The following MDM4 variants were observed in gnomAD, a reference collection of about 807,000 sequenced individuals.
The protein encoded by MDM4 is MDM4 regulator of p53, also known as protein Mdm4.
A neutral mutation model predicts 60.2 loss-of-function variants in MDM4; 2 were observed. The observed-to-expected ratio is 0.03, with a 90% CI of 0.01 to 0.10. The LOEUF (loss-of-function observed/expected upper bound fraction) is 0.10, where lower values mean the gene tolerates loss of function less well. MDM4 is among the 10% of genes least tolerant of loss of function. The probability of loss-of-function intolerance (pLI) is 1.00; values close to 1 mark genes in which losing one functional copy is unlikely to be tolerated. For missense variants in MDM4, 447 were observed against 577.5 expected (o/e 0.77, Z 2.32); for synonymous variants, 202 against 198.1 (o/e 1.02, Z -0.17).
At chr1:204,529,110 T>C in intron 3 of MDM4, 2 of 1,288,752 alleles carry the variant, frequency 1.6e-6, no homozygotes, top group Non-Finnish European at 2.2e-6. Flanking sequence ...GCCTGAGTTG[T>C]CCCAGTCATA....
intron 2 of MDM4, among the ~76,000 whole-genome samples, 188 bp from the exon 3 acceptor site, chr1:204,526,172 G>A (rs1489227489): frequency 6.6e-6 from 1 of 152,066 alleles, no homozygotes; most frequent in African/African-American, 2.4e-5. Context: ...GGGAGGATCA[G>A]TTGAGTCTGG....
At chr1:204,530,661 A>T (rs1660770793) in intron 3 of MDM4, 23 bp from the exon 4 acceptor site, 1 of 1,613,968 alleles carries the variant, frequency 6.2e-7, no homozygotes, top group African/African-American at 1.3e-5. Context: ...ACAGATCACA[A>T]CATGGTATTT....
intron 3 of MDM4, 26 bp from the exon 4 acceptor site, chr1:204,530,658 A>G (rs1660770535): frequency 6.2e-7 from 1 of 1,613,976 alleles, no homozygotes; most frequent in Non-Finnish European, 8.5e-7. Flanking sequence ...TGGACAGATC[A>G]CAACATGGTA....
Position 204,542,863 on chromosome 1 carries a change from C to A in MDM4, c.591C>A (p.Gly197=), listed in dbSNP as rs200044566. Residue 197 remains glycine (G), a synonymous_variant, in exon 8 of 11, where the codon GGC becomes GGA. Coordinates refer to ENST00000367182, the MANE Select transcript of MDM4 (RefSeq NM_002393.5). ...DLGFEEWDVA[G]LPWWFLGNLR... ...GATTTGAGGAGTGGGATGTAGCTGGCCTGCCTTGGTGGTTTTTAGGAAACT... is the reference window on the plus strand; with the variant it reads ...GATTTGAGGAGTGGGATGTAGCTGGACTGCCTTGGTGGTTTTTAGGAAACT... 1 of 1,613,876 alleles carries A rather than the reference C, an allele frequency of 6.2e-7. No individual in the cohort carries two copies. Among genetic ancestry groups the A allele is most frequent in the Non-Finnish European group, 8.5e-7 (1 of 1,179,808 alleles).
At chr1:204,541,898 T>C (rs1366150853) in intron 7 of MDM4, among the ~76,000 whole-genome samples, 1 of 152,114 alleles carries the variant, frequency 6.6e-6, no homozygotes. Context: ...GTTAACCCCA[T>C]GGTTGCTATG....
At chr1:204,548,890 T>TA (rs1365469391) in intron 10 of MDM4, among the ~76,000 whole-genome samples, 2 of 152,162 alleles carry the variant, frequency 1.3e-5, no homozygotes, top group African/African-American at 4.8e-5. Flanking sequence ...TTCTTAAAGA[T>TA]AACTATATCA....
chr1:204,554,497 T>A lies in MDM4; in HGVS notation c.*4815T>A. 1 of 225,514 alleles carries A rather than the reference T, an allele frequency of 4.4e-6. No individual in the cohort carries two copies. Among genetic ancestry groups the A allele is most frequent in the Non-Finnish European group, 8.8e-6 (1 of 113,156 alleles). The allele number at this position is 225,514 out of a possible 1,614,324, so 14.0% of individuals were successfully genotyped here. ...GTTTTTAGAATCAAAGATGAACCGG[T>A]AAGCTGTCTCATGTACCAAACGTGA... On this transcript the variant is annotated 3_prime_UTR_variant, in exon 11 of 11. Coordinates refer to ENST00000367182, the MANE Select transcript of MDM4 (RefSeq NM_002393.5).
rs1472800330 is a variant in MDM4 at position 204,550,256 on chromosome 1, CT to C, written c.*576del. On this transcript the variant is annotated 3_prime_UTR_variant, in exon 11 of 11. Coordinates refer to ENST00000367182, the MANE Select transcript of MDM4 (RefSeq NM_002393.5). ...TGGTATGATCATGGCTCACTGCAGC[CT>C]TGGTTTCCTGGGCATAAGTGGTCTT... 1.3e-5 allele frequency: 3 copies of C among 231,644 alleles called. No individual in the cohort carries two copies. Among genetic ancestry groups the C allele is most frequent in the Non-Finnish European group, 2.6e-5 (3 of 117,308 alleles). 14.3% of individuals were successfully genotyped at this position (231,644 alleles called of 1,614,324 possible). A position where few individuals can be genotyped will look rare whatever the true frequency, so the allele number is the denominator to read the frequency against.
Position 204,537,622 on chromosome 1 carries a change from A to T in MDM4, c.411+125A>T, listed in dbSNP as rs1357841149. On this transcript the variant is annotated intron_variant, in intron 6 of 10. Transcript: ENST00000367182. ...GAATTTAATAAGAAAGGTTCTTGGG[A>T]GTTCACAGACCAGGGACAGAGTGAA... 1.2e-4 allele frequency: 82 copies of T among 707,056 alleles called. 1 individual carries two copies. In the East Asian group the frequency reaches 2.1e-3, roughly 18 times the overall value. The allele number at this position is 707,056 out of a possible 1,614,324, so 43.8% of individuals were successfully genotyped here.
rs551362294 is a variant in MDM4 at position 204,549,802 on chromosome 1, A to G, written c.*120A>G. 4.7e-6 allele frequency: 3 copies of G among 642,966 alleles called. No individual in the cohort carries two copies. Among genetic ancestry groups the G allele is most frequent in the Non-Finnish European group, 7.6e-6 (3 of 396,892 alleles). The allele number at this position is 642,966 out of a possible 1,614,324, so 39.8% of individuals were successfully genotyped here. ...GAATGTTCTTAGGCATCAAAATCCA[A>G]GGTAGCTGTAAGAAAAATACTGGAG... On this transcript the variant is annotated 3_prime_UTR_variant, in exon 11 of 11. Coordinates refer to ENST00000367182, the MANE Select transcript of MDM4 (RefSeq NM_002393.5).
At chr1:204,537,546 C>G in intron 6 of MDM4, 49 bp downstream of exon 6, 1 of 1,325,032 alleles carries the variant, frequency 7.5e-7, no homozygotes, top group South Asian at 1.2e-5. Flanking sequence ...GTGGCCCCTT[C>G]TCTGTACCTA....
intron 5 of MDM4, chr1:204,532,649 T>C: frequency 1.1e-6 from 1 of 936,532 alleles, no homozygotes; most frequent in South Asian, 1.8e-5. Context: ...CTTGTATTTT[T>C]GTCTTACTTG....
rs60954516 is a variant in MDM4 at position 204,523,473 on chromosome 1, A to ATTTTTTT, written c.-35-1989_-35-1983dup. On this transcript the variant is annotated intron_variant, in intron 1 of 10. Transcript: ENST00000367182. The stretch of plus-strand genomic sequence containing the variant: ...CAGAGCGAGACTCCACCTAAAAAAA[A>ATTTTTTT]TTTTTTTTTTTTTTTTTTTTTTTTT... 2.7e-4 allele frequency among the ~76,000 whole-genome samples: 16 copies of ATTTTTTT among 58,964 alleles called. 1 individual carries two copies. The highest frequency in any genetic ancestry group is 2.6e-4 in the Admixed American group (1 of 3,832). 38.7% of individuals were successfully genotyped at this position (58,964 alleles called of 152,430 possible).
At chr1:204,532,456 G>T in intron 5 of MDM4, 2 of 566,180 alleles carry the variant, frequency 3.5e-6, no homozygotes, top group South Asian at 4.9e-5. Flanking sequence ...CTTTCTAGAC[G>T]TACTGTTAAC....
At chr1:204,516,683 G>A (rs4252669) in intron 1 of MDM4, among the ~76,000 whole-genome samples, 174 bp downstream of exon 1, 5 of 152,164 alleles carry the variant, frequency 3.3e-5, no homozygotes, top group African/African-American at 4.8e-5. Context: ...GAGGGGAAGA[G>A]TTGTGGGATG....
At chr1:204,544,808 T>G in intron 9 of MDM4, 124 bp downstream of exon 9, 2 of 905,558 alleles carry the variant, frequency 2.2e-6, no homozygotes, top group Non-Finnish European at 3.1e-6. Context: ...CTTTAATTAA[T>G]TTTTCAATCC....
chr1:204,546,288 G>C (rs4252730), intron 9 of MDM4, among the ~76,000 whole-genome samples: 23 of 152,180 alleles, frequency 1.5e-4, no homozygotes, highest in African/African-American at 5.5e-4. Context: ...CTGCAAGCCG[G>C]AACTCTTGGG....
At position 204,554,402 on chromosome 1, in the gene MDM4, A is replaced by C. The variant is rs865897180; in HGVS notation, c.*4720A>C. On this transcript the variant is annotated 3_prime_UTR_variant, in exon 11 of 11. Transcript: ENST00000367182. The stretch of plus-strand genomic sequence containing the variant: ...ATGGTTCTCCCAGTCATGAGTGTGC[A>C]TGTGTGCAAGCATGTTTTGATCCTG... 4.4e-6 allele frequency: 1 copy of C among 226,308 alleles called. No homozygotes were observed. The highest frequency in any genetic ancestry group is 8.8e-6 in the Non-Finnish European group (1 of 113,900). 14.0% of individuals were successfully genotyped at this position (226,308 alleles called of 1,614,324 possible). A position where few individuals can be genotyped will look rare whatever the true frequency, so the allele number is the denominator to read the frequency against.
At chr1:204,520,958 A>C (rs761724772) in intron 1 of MDM4, among the ~76,000 whole-genome samples, 1 of 152,208 alleles carries the variant, frequency 6.6e-6, no homozygotes, top group Non-Finnish European at 1.5e-5. Context: ...CTTGAATAAA[A>C]GAGTTATGAT....
Sources: gnomAD v4.1 joint callset for allele counts (sites outside exome capture counted in the v4.1 genomes callset) on GRCh38, gnomAD v4.1.1 for gene constraint, MANE v1.5 for transcripts, NCBI Gene and HGNC (gene_info 2026-07-23, HGNC 2026-07-21) for gene names.